SPRYD3: variants seen among roughly 807,000 people sequenced by gnomAD.
SPRYD3 encodes SPRY domain-containing protein 3.
Under a neutral mutation model 50.1 loss-of-function variants are expected in SPRYD3, and 17 were observed. That is an observed-to-expected ratio of 0.34 (90% CI 0.23 to 0.51). SPRYD3 has a LOEUF of 0.51. Among genes scored for constraint, SPRYD3 ranks in the 20% least tolerant of loss-of-function variants. The pLI is 0.97. For synonymous variants in SPRYD3, 198 were observed against 215.5 expected, an observed-to-expected ratio of 0.92 and a Z score of 0.71; for missense variants, 401 against 591.2, an observed-to-expected ratio of 0.68 and a Z score of 3.34.
rs949036679 is a variant in SPRYD3, at chr12:53,074,350, C to A, written c.507+299G>T. Among the ~76,000 whole-genome samples, 1 of 152,246 alleles carries A rather than the reference C, an allele frequency of 6.6e-6. No individual in the cohort carries two copies. On this transcript the variant is annotated intron_variant, in intron 5 of 10. Coordinates refer to ENST00000301463, the MANE Select transcript of SPRYD3 (RefSeq NM_032840.3). This position sits in a 1 kb window ranked among gnomAD's most constrained non-coding sequence, Gnocchi z 4.6. ...AATCTTCCCCTCTCTTTTATCTGCT[C>A]AAAACCTTCCCCCAAATCACCCAAT...
At position 53,065,691 on chromosome 12, in the gene SPRYD3, G is replaced by C. The variant is rs982529757; in HGVS notation, c.*141C>G. On this transcript the variant is annotated 3_prime_UTR_variant, in exon 11 of 11. Transcript: ENST00000301463. ...AACGTGGGCACAGAGAAGCGTGACAGGGGCCTGAGCCAGTGGGGGCAGAGT... is the reference window on the plus strand; with the variant it reads ...AACGTGGGCACAGAGAAGCGTGACACGGGCCTGAGCCAGTGGGGGCAGAGT... 3.9e-5 allele frequency: 33 copies of C among 850,674 alleles called. No homozygotes were observed. The Admixed American group carries it at 7.7e-4, about 20-fold the overall frequency. The allele number at this position is 850,674 out of a possible 1,614,324, so 52.7% of individuals were successfully genotyped here.
At position 53,065,610 on chromosome 12, in the gene SPRYD3, T is replaced by C. The variant is rs1011267177; in HGVS notation, c.*222A>G. 3.8e-6 allele frequency: 2 copies of C among 532,808 alleles called. No individual in the cohort carries two copies. Among genetic ancestry groups the C allele is most frequent in the Non-Finnish European group, 6.7e-6 (2 of 296,552 alleles). The allele number at this position is 532,808 out of a possible 1,614,324, so 33.0% of individuals were successfully genotyped here. A position where few individuals can be genotyped will look rare whatever the true frequency, so the allele number is the denominator to read the frequency against. On this transcript the variant is annotated 3_prime_UTR_variant, in exon 11 of 11. Transcript: ENST00000301463. Reference sequence around the variant, plus strand: ...CAACACCATTCTTTGGGTCCATTCCTGTCCAACCAGGGACTCAGGCCCAGG... The same window carrying C: ...CAACACCATTCTTTGGGTCCATTCCCGTCCAACCAGGGACTCAGGCCCAGG...
Position 53,075,142 on chromosome 12 carries a change from C to A in SPRYD3, c.324G>T (p.Gln108His). The change falls in exon 4 of 11, where the codon CAG (glutamine) becomes CAT (histidine). Residue 108 changes from glutamine (Q) to histidine (H), a missense_variant. Transcript: ENST00000301463. ...CTACAGAGTCAGGCAACCAGCCAGGCTGGTGATCCAAGCTGTAGTACTGAG... is the reference window on the plus strand; with the variant it reads ...CTACAGAGTCAGGCAACCAGCCAGGATGGTGATCCAAGCTGTAGTACTGAG... Reference protein sequence around the residue: ...LVPQYYSLDHQPGWLPDSVAY... With the variant: ...LVPQYYSLDHHPGWLPDSVAY... 1 of 1,614,018 alleles carries A rather than the reference C, an allele frequency of 6.2e-7. No homozygotes were observed. Among genetic ancestry groups the A allele is most frequent in the Non-Finnish European group, 8.5e-7 (1 of 1,179,894 alleles).
rs925727434 is a variant in SPRYD3 at position 53,065,267 on chromosome 12, T to C, written c.*565A>G. 3 of 152,806 alleles carry C rather than the reference T, an allele frequency of 2.0e-5. No individual in the cohort carries two copies. Among genetic ancestry groups the C allele is most frequent in the African/African-American group, 4.8e-5 (2 of 41,430 alleles). The allele number at this position is 152,806 out of a possible 1,614,324, so 9.5% of individuals were successfully genotyped here. A position where few individuals can be genotyped will look rare whatever the true frequency, so the allele number is the denominator to read the frequency against. The stretch of plus-strand genomic sequence containing the variant: ...GGGGAGCCAGCTCTCAAGGGAAAGA[T>C]GGAGAGCCTAGAGGAGTCTTCCTGG... On this transcript the variant is annotated 3_prime_UTR_variant, in exon 11 of 11. Coordinates refer to ENST00000301463, the MANE Select transcript of SPRYD3 (RefSeq NM_032840.3).
rs1944571744 is a variant in SPRYD3 at position 53,074,153 on chromosome 12, GTC to G, written c.507+494_507+495del. Among the ~76,000 whole-genome samples, 1 of 152,154 alleles carries G rather than the reference GTC, an allele frequency of 6.6e-6. No individual in the cohort carries two copies. The highest frequency in any genetic ancestry group is 2.4e-5 in the African/African-American group (1 of 41,440). On this transcript the variant is annotated intron_variant, in intron 5 of 10. Transcript: ENST00000301463. The surrounding 1 kb of genome is among the most constrained non-coding windows in gnomAD (Gnocchi z 4.6). The stretch of plus-strand genomic sequence containing the variant: ...TTGGAGAGAAGGGAGAGAGCTGTGT[GTC>G]TCTCTCTACTATTGGCTCCTGTCCC...
chr12:53,073,259 C>CCGGGGGG, intron 6 of SPRYD3, 27 bp downstream of exon 6: 3 of 400,932 alleles, frequency 7.5e-6, no homozygotes, highest in Non-Finnish European at 1.4e-5. Context: ...CGACCCAGCC[C>CCGGGGGG]CTCCCACCCT....
At chr12:53,070,610 G>A (rs1944542889) in intron 6 of SPRYD3, among the ~76,000 whole-genome samples, 1 of 152,176 alleles carries the variant, frequency 6.6e-6, no homozygotes, top group Admixed American at 6.5e-5. Context: ...AGTAAACTGG[G>A]ATAAGATTAC....
intron 10 of SPRYD3, 99 bp downstream of exon 10, chr12:53,066,215 C>T (rs947421844): frequency 2.2e-5 from 34 of 1,542,196 alleles, no homozygotes; most frequent in East Asian, 4.5e-5. Context: ...CAGAGCTTCC[C>T]GTCTTTCCCA....
At position 53,075,090 on chromosome 12, in the gene SPRYD3, C is replaced by T. The variant is rs781731860; in HGVS notation, c.371+5G>A. 1 of 1,610,458 alleles carries T rather than the reference C, an allele frequency of 6.2e-7. No homozygotes were observed. Among genetic ancestry groups the T allele is most frequent in the South Asian group, 1.1e-5 (1 of 91,026 alleles). Reference sequence around the variant, plus strand: ...AAGGGCCGGGTTGCACAGGAGCCAACTCACTTGCCATCATCAGCATGGTAG... The same window carrying T: ...AAGGGCCGGGTTGCACAGGAGCCAATTCACTTGCCATCATCAGCATGGTAG... On this transcript the variant is annotated splice_donor_5th_base_variant and intron_variant, in intron 4 of 10. Transcript: ENST00000301463.
chr12:53,066,263 C>T (rs776734371), intron 10 of SPRYD3, 51 bp downstream of exon 10: 14 of 1,591,208 alleles, frequency 8.8e-6, no homozygotes, highest in Non-Finnish European at 1.1e-5. Context: ...AATACCCACC[C>T]TTTGCCCAGA....
intron 2 of SPRYD3, 137 bp downstream of exon 2, chr12:53,076,978 G>A (rs1592267183): frequency 3.9e-6 from 3 of 767,658 alleles, no homozygotes; most frequent in East Asian, 5.4e-5. Context: ...AAAGGCCTCT[G>A]GAGTCAAGAG....
At chr12:53,069,711 G>GGT (rs1944535719) in intron 6 of SPRYD3, among the ~76,000 whole-genome samples, 1 of 152,184 alleles carries the variant, frequency 6.6e-6, no homozygotes, top group Admixed American at 6.5e-5. Flanking sequence ...TTCTGTTCAT[G>GGT]GTGTATTCTC....
rs1205570189 is a variant in SPRYD3, at chr12:53,065,831, C to T, written c.*1G>A. On this transcript the variant is annotated 3_prime_UTR_variant, in exon 11 of 11. Coordinates refer to ENST00000301463, the MANE Select transcript of SPRYD3 (RefSeq NM_032840.3). The stretch of plus-strand genomic sequence containing the variant: ...GAAGGAGCAGGTCTGGAGGGGAGGC[C>T]CTAGCCACTCAAGGGGTGCAGATCT... The T allele has an allele frequency of 1.1e-5, 17 of 1,611,640 alleles. No homozygotes were observed. The highest frequency in any genetic ancestry group is 1.4e-5 in the Non-Finnish European group (17 of 1,179,140).
chr12:53,065,975 G>A lies in SPRYD3; in HGVS notation c.1195-9C>T, dbSNP rs371321164. On this transcript the variant is annotated splice_polypyrimidine_tract_variant and intron_variant, in intron 10 of 10. Coordinates refer to ENST00000301463, the MANE Select transcript of SPRYD3 (RefSeq NM_032840.3). ...TTCCGAGTGAAGAAAACCTGGGGAGGAGGTGGGGAGAAGAATGGAGCAAGC... is the reference window on the plus strand; with the variant it reads ...TTCCGAGTGAAGAAAACCTGGGGAGAAGGTGGGGAGAAGAATGGAGCAAGC... 6.2e-7 allele frequency: 1 copy of A among 1,610,800 alleles called. No individual in the cohort carries two copies. The highest frequency in any genetic ancestry group is 8.5e-7 in the Non-Finnish European group (1 of 1,177,618).
intron 7 of SPRYD3, 52 bp downstream of exon 7, chr12:53,068,103 G>T: frequency 6.2e-7 from 1 of 1,607,714 alleles, no homozygotes. Flanking sequence ...TGCCCCAACA[G>T]CCCCAGACCT....
chr12:53,077,388 C>T (rs1269453339), intron 1 of SPRYD3, 127 bp from the exon 2 acceptor site: 23 of 899,916 alleles, frequency 2.6e-5, no homozygotes, highest in Non-Finnish European at 3.7e-5. Context: ...CTCAACAACC[C>T]TCATCTTCTT....
chr12:53,065,525 G>A lies in SPRYD3; in HGVS notation c.*307C>T, dbSNP rs574328956. 21 of 332,894 alleles carry A rather than the reference G, an allele frequency of 6.3e-5. No homozygotes were observed. Among genetic ancestry groups the A allele is most frequent in the African/African-American group, 2.9e-4 (14 of 48,502 alleles). The allele number at this position is 332,894 out of a possible 1,614,324, so 20.6% of individuals were successfully genotyped here. A position where few individuals can be genotyped will look rare whatever the true frequency, so the allele number is the denominator to read the frequency against. ...CACGCCTCTCCACCCACACAGGGCC[G>A]GTGAGGGAAAGGGGGACCCAGAAGC... On this transcript the variant is annotated 3_prime_UTR_variant, in exon 11 of 11. Transcript: ENST00000301463.
intron 6 of SPRYD3, among the ~76,000 whole-genome samples, chr12:53,071,249 G>A (rs1386535916): frequency 1.3e-5 from 2 of 152,166 alleles, no homozygotes; most frequent in East Asian, 1.9e-4. Context: ...CTGGGAGGGC[G>A]GGGCCTCATT....
Position 53,077,280 on chromosome 12 carries a change from G to T in SPRYD3, c.24-19C>A. 1.2e-6 allele frequency: 2 copies of T among 1,613,926 alleles called. No homozygotes were observed. Among genetic ancestry groups the T allele is most frequent in the Non-Finnish European group, 1.7e-6 (2 of 1,179,878 alleles). On this transcript the variant is annotated intron_variant, in intron 1 of 10. Transcript: ENST00000301463. Reference sequence around the variant, plus strand: ...AACAAACCTGCCAAGGGGAGAAGGGGATTGAGGAGAAAGCAGGGCCCTAGG... The same window carrying T: ...AACAAACCTGCCAAGGGGAGAAGGGTATTGAGGAGAAAGCAGGGCCCTAGG...
Sources: gnomAD v4.1 joint callset for allele counts (sites outside exome capture counted in the v4.1 genomes callset) on GRCh38, gnomAD v4.1.1 for gene constraint, Gnocchi (gnomAD v3.1) non-coding constraint, MANE v1.5 for transcripts, NCBI Gene and HGNC (gene_info 2026-07-23, HGNC 2026-07-21) for gene names.